Variants in SDK1 observed in about 807,000 individuals in gnomAD.
SDK1 encodes the protein protein sidekick-1.
Under a neutral mutation model 245.5 loss-of-function variants are expected in SDK1, and 157 were observed. The observed-to-expected ratio is 0.64, with a 90% CI of 0.56 to 0.73. The LOEUF (loss-of-function observed/expected upper bound fraction) is 0.73. Among genes scored for constraint, SDK1 ranks in the 30% least tolerant of loss-of-function variants. SDK1 has a pLI of 0.00. For missense variants in SDK1, 3,583 were observed against 3,002.3 expected (o/e 1.19, Z -4.52); for synonymous variants, 1,647 against 1,278.5 (o/e 1.29, Z -6.15).
At chr7:3,856,391 T>C (rs1780546158) in intron 5 of SDK1, among the ~76,000 whole-genome samples, 1 of 147,978 alleles carries the variant, frequency 6.8e-6, no homozygotes, top group South Asian at 2.1e-4. Flanking sequence ...GTAGTTCAAA[T>C]AGATTAATAA....
intron 4 of SDK1, among the ~76,000 whole-genome samples, chr7:3,707,043 A>G (rs1784912138): frequency 2.0e-5 from 3 of 151,656 alleles, no homozygotes; most frequent in Admixed American, 6.6e-5. Flanking sequence ...TTTTTGTTTC[A>G]ATTTTATTTC....
At chr7:3,821,700 C>G in intron 5 of SDK1, 117 bp downstream of exon 5, 5 of 1,095,046 alleles carry the variant, frequency 4.6e-6, no homozygotes, top group Non-Finnish European at 6.5e-6. Context: ...GTAGTAGTTA[C>G]GGTTTAATAT....
At chr7:3,374,257 C>A (rs550831342) in intron 1 of SDK1, among the ~76,000 whole-genome samples, 4 of 152,160 alleles carry the variant, frequency 2.6e-5, no homozygotes, top group Non-Finnish European at 5.9e-5. Context: ...CCCCACTTAA[C>A]TGATCTGAAG....
At chr7:3,730,912 A>G (rs1206650191) in intron 4 of SDK1, among the ~76,000 whole-genome samples, 1 of 152,148 alleles carries the variant, frequency 6.6e-6, no homozygotes, top group Non-Finnish European at 1.5e-5. Context: ...TTTTTGGAAT[A>G]CAGCATCAGG....
chr7:3,564,419 G>C (rs1779843026), intron 1 of SDK1, among the ~76,000 whole-genome samples: 1 of 152,040 alleles, frequency 6.6e-6, no homozygotes, highest in African/African-American at 2.4e-5. Flanking sequence ...AACCCAGGAG[G>C]CTGAGGTTGC....
chr7:3,594,210 G>A (rs992461017), intron 1 of SDK1, among the ~76,000 whole-genome samples: 1 of 152,106 alleles, frequency 6.6e-6, no homozygotes, highest in Admixed American at 6.5e-5. Flanking sequence ...ATACATAGAC[G>A]GTTTTTGTCA....
At chr7:3,925,179 G>T (rs1779725449) in intron 5 of SDK1, among the ~76,000 whole-genome samples, 1 of 152,114 alleles carries the variant, frequency 6.6e-6, no homozygotes, top group Admixed American at 6.6e-5. Context: ...TAGGACTGAA[G>T]CCCCAGATGG....
chr7:3,633,793 A>G (rs1455791804), intron 2 of SDK1, among the ~76,000 whole-genome samples: 1 of 152,086 alleles, frequency 6.6e-6, no homozygotes, highest in Admixed American at 6.6e-5. Context: ...TGTTGCATGG[A>G]TGGATATTGG....
intron 1 of SDK1, among the ~76,000 whole-genome samples, chr7:3,315,056 A>G (rs1435060646): frequency 6.6e-6 from 1 of 152,200 alleles, no homozygotes; most frequent in Non-Finnish European, 1.5e-5. Flanking sequence ...GTTCGTCAAC[A>G]GCAGGTGACC....
rs3839714 is a variant in SDK1 at position 3,405,183 on chromosome 7, C to CA, written c.298+103305dup. ...CCAAAAAAAAAAACAAAAACAAAAA[C>CA]AAAAAACACTTTCCTTAATCTTGGA... On this transcript the variant is annotated intron_variant, in intron 1 of 44. Transcript: ENST00000404826. 4.8e-3 allele frequency among the ~76,000 whole-genome samples: 714 copies of CA among 150,302 alleles called. 10 individuals are homozygous for CA. Among genetic ancestry groups the CA allele is most frequent in the African/African-American group, 0.016 (666 of 40,546 alleles).
At chr7:3,521,276 G>A (rs915523109) in intron 1 of SDK1, among the ~76,000 whole-genome samples, 4 of 152,146 alleles carry the variant, frequency 2.6e-5, no homozygotes, top group African/African-American at 9.7e-5. Flanking sequence ...CATGTGATTA[G>A]ATTGGGGCCA....
At chr7:3,545,378 A>G (rs1779187769) in intron 1 of SDK1, among the ~76,000 whole-genome samples, 1 of 152,166 alleles carries the variant, frequency 6.6e-6, no homozygotes, top group African/African-American at 2.4e-5. Context: ...GATATTGAAA[A>G]TGTTCATCTT....
chr7:3,459,569 A>G (rs1780773669), intron 1 of SDK1, among the ~76,000 whole-genome samples: 1 of 152,174 alleles, frequency 6.6e-6, no homozygotes, highest in South Asian at 2.1e-4. Context: ...GGAAGTGGGG[A>G]GGAGGACAAA....
intron 5 of SDK1, among the ~76,000 whole-genome samples, chr7:3,891,296 T>A (rs1452272200): frequency 2.6e-5 from 4 of 152,140 alleles, no homozygotes; most frequent in Admixed American, 2.6e-4. Flanking sequence ...CAGGCCGTGG[T>A]TTTCGTGGCT....
chr7:3,438,516 C>G (rs368105837), intron 1 of SDK1, among the ~76,000 whole-genome samples: 12 of 152,250 alleles, frequency 7.9e-5, no homozygotes, highest in African/African-American at 2.6e-4. Flanking sequence ...GAGACACTGC[C>G]AGTCTCATGA....
At chr7:4,023,629 C>T (rs530013634) in intron 17 of SDK1, among the ~76,000 whole-genome samples, 2 of 152,082 alleles carry the variant, frequency 1.3e-5, no homozygotes, top group East Asian at 1.9e-4. Flanking sequence ...AACCGAGTGC[C>T]CAGTATAATT....
At chr7:3,753,022 T>A (rs752020213) in intron 4 of SDK1, among the ~76,000 whole-genome samples, 1 of 152,206 alleles carries the variant, frequency 6.6e-6, no homozygotes, top group African/African-American at 2.4e-5. Context: ...ACGTTGATAC[T>A]ACTCGGTGTC....
chr7:4,204,081 G>A (rs1784049608), intron 35 of SDK1, among the ~76,000 whole-genome samples: 1 of 152,240 alleles, frequency 6.6e-6, no homozygotes, highest in African/African-American at 2.4e-5. Context: ...GGCCATCTTT[G>A]GAAAGAAACC....
chr7:3,888,322 TCTGGCCCACAGC>T (rs1388205586), intron 5 of SDK1, among the ~76,000 whole-genome samples: 21 of 152,142 alleles, frequency 1.4e-4, no homozygotes, highest in African/African-American at 4.8e-4. Context: ...CATCCCACAG[TCTGGCCCACAGC>T]CTGGCCCACA....
Sources: gnomAD v4.1 joint callset for allele counts (sites outside exome capture counted in the v4.1 genomes callset) on GRCh38, gnomAD v4.1.1 for gene constraint, MANE v1.5 for transcripts, NCBI Gene and HGNC (gene_info 2026-07-23, HGNC 2026-07-21) for gene names.